NKAIN3: variants seen among roughly 807,000 people sequenced by gnomAD.
NKAIN3 encodes the protein sodium/potassium transporting ATPase interacting 3.
A neutral mutation model predicts 30.2 loss-of-function variants in NKAIN3; 25 were observed. The ratio of observed to expected loss-of-function variants is 0.83; its 90% confidence interval spans 0.60 to 1.16. NKAIN3 has a LOEUF of 1.16. Among genes scored for constraint, NKAIN3 ranks in the 50% most tolerant of loss-of-function variants. The pLI, the probability that NKAIN3 is intolerant of heterozygous loss-of-function variation, is 0.00. For missense variants in NKAIN3, 225 were observed against 254.1 expected, an observed-to-expected ratio of 0.89 and a Z score of 0.78; for synonymous variants, 91 against 89.6, an observed-to-expected ratio of 1.02 and a Z score of -0.09.
At chr8:62,566,499 C>T (rs950470558) in intron 1 of NKAIN3, among the ~76,000 whole-genome samples, 4 of 151,838 alleles carry the variant, frequency 2.6e-5, no homozygotes, top group South Asian at 2.1e-4. Context: ...TTTATAAAAC[C>T]GAATCTAAAA....
intron 4 of NKAIN3, among the ~76,000 whole-genome samples, chr8:62,812,742 T>C (rs1472641857): frequency 1.3e-5 from 2 of 151,906 alleles, no homozygotes; most frequent in Non-Finnish European, 2.9e-5. Context: ...AATATACATT[T>C]CTTAATGAAG....
At chr8:62,347,414 A>G (rs1217034302) in intron 1 of NKAIN3, among the ~76,000 whole-genome samples, 2 of 152,122 alleles carry the variant, frequency 1.3e-5, no homozygotes, top group Non-Finnish European at 2.9e-5. Flanking sequence ...TCTTAAAATA[A>G]GAAGATTTAT....
intron 6 of NKAIN3, among the ~76,000 whole-genome samples, chr8:62,963,315 A>G (rs1011795370): frequency 2.0e-5 from 3 of 152,120 alleles, no homozygotes; most frequent in Non-Finnish European, 4.4e-5. Flanking sequence ...CCCCACAGAC[A>G]TGTTTCCCAG....
chr8:62,971,645 G>C lies in NKAIN3; in HGVS notation c.*6238G>C, dbSNP rs551559415. On this transcript the variant is annotated 3_prime_UTR_variant, in exon 7 of 7. Coordinates refer to ENST00000623646, the MANE Select transcript of NKAIN3 (RefSeq NM_001304533.3). ...CAAACCTTGTCTCAAAAAAAAAGCG[G>C]GGGGGGCTTCATTTATTAGTAAGAA... is the stretch of plus-strand genomic sequence containing the variant. Among the ~76,000 whole-genome samples the C allele has an allele frequency of 6.6e-6, 1 of 151,956 alleles. No homozygotes were observed. Among genetic ancestry groups the C allele is most frequent in the African/African-American group, 2.4e-5 (1 of 41,432 alleles).
At position 62,715,711 on chromosome 8, in the gene NKAIN3, G is replaced by A. The variant is rs1814876779; in HGVS notation, c.274-31221G>A. Among the ~76,000 whole-genome samples the A allele has an allele frequency of 2.6e-5, 4 of 152,282 alleles. No individual in the cohort carries two copies. The South Asian group carries it at 8.3e-4, about 32-fold the overall frequency. ...GTGACAATGTCAAGAAGAAATTATG[G>A]CACTGCCTTAGATGTGGATTTAATT... On this transcript the variant is annotated intron_variant, in intron 3 of 6. Coordinates refer to ENST00000623646, the MANE Select transcript of NKAIN3 (RefSeq NM_001304533.3).
chr8:62,679,698 A>G (rs894932790), intron 3 of NKAIN3, among the ~76,000 whole-genome samples: 10 of 152,120 alleles, frequency 6.6e-5, no homozygotes, highest in African/African-American at 1.9e-4. Context: ...AGGAGGTGCT[A>G]CACACTTTTA....
intron 1 of NKAIN3, among the ~76,000 whole-genome samples, chr8:62,365,536 A>G (rs1377495435): frequency 6.6e-6 from 1 of 152,200 alleles, no homozygotes; most frequent in Non-Finnish European, 1.5e-5. Flanking sequence ...TTCTATATAG[A>G]GGAATGAACA....
chr8:62,500,974 T>C (rs1807431634), intron 1 of NKAIN3, among the ~76,000 whole-genome samples: 1 of 152,178 alleles, frequency 6.6e-6, no homozygotes, highest in South Asian at 2.1e-4. Flanking sequence ...ACATTTCAGT[T>C]TCTCAAAAGA....
chr8:62,865,963 T>TA (rs202209223), intron 4 of NKAIN3, among the ~76,000 whole-genome samples: 1,585 of 152,276 alleles, frequency 0.01, 24 homozygotes, highest in African/African-American at 0.036. Flanking sequence ...ATTGGATTTT[T>TA]AAAAAAGTGG....
chr8:62,610,891 T>C (rs1791291255), intron 3 of NKAIN3, among the ~76,000 whole-genome samples: 1 of 152,164 alleles, frequency 6.6e-6, no homozygotes, highest in Admixed American at 6.5e-5. Flanking sequence ...TGTTCTTATG[T>C]ACATATAGTT....
At chr8:62,718,473 T>A (rs1213791349) in intron 3 of NKAIN3, among the ~76,000 whole-genome samples, 3 of 152,222 alleles carry the variant, frequency 2.0e-5, no homozygotes, top group Non-Finnish European at 4.4e-5. Flanking sequence ...ACATTTCAAT[T>A]CACCTTGCTA....
At position 62,454,301 on chromosome 8, in the gene NKAIN3, C is replaced by CAAAAAAAAAAA. The variant is rs201511724; in HGVS notation, c.55-125226_55-125216dup. 6.0e-3 allele frequency among the ~76,000 whole-genome samples: 338 copies of CAAAAAAAAAAA among 56,120 alleles called. 20 individuals carry two copies. The highest frequency in any genetic ancestry group is 0.018 in the African/African-American group (318 of 17,780). The allele number at this position is 56,120 out of a possible 152,430, so 36.8% of individuals were successfully genotyped here. ...ACCAACACTAACAATAGCTGATGTG[C>CAAAAAAAAAAA]AAAAAAAAAAAAAAAAAAAAAATCT... On this transcript the variant is annotated intron_variant, in intron 1 of 6. Coordinates refer to ENST00000623646, the MANE Select transcript of NKAIN3 (RefSeq NM_001304533.3).
At chr8:62,920,399 T>C (rs1456617426) in intron 5 of NKAIN3, among the ~76,000 whole-genome samples, 2 of 152,234 alleles carry the variant, frequency 1.3e-5, no homozygotes, top group African/African-American at 4.8e-5. Context: ...AGTCTTATTA[T>C]GTAGTGCAAT....
At chr8:62,436,087 G>A (rs755217214) in intron 1 of NKAIN3, among the ~76,000 whole-genome samples, 3 of 152,044 alleles carry the variant, frequency 2.0e-5, no homozygotes, top group Non-Finnish European at 2.9e-5. Context: ...GCAAATTGCC[G>A]TGTCACAGTA....
chr8:62,275,831 G>A (rs76904942), intron 1 of NKAIN3, among the ~76,000 whole-genome samples: 3,514 of 152,014 alleles, frequency 0.023, 65 homozygotes, highest in Non-Finnish European at 0.038. Context: ...GAATAGTATC[G>A]ACTCTTCTAA....
chr8:62,462,103 C>T (rs1359270837), intron 1 of NKAIN3, among the ~76,000 whole-genome samples: 1 of 152,060 alleles, frequency 6.6e-6, no homozygotes, highest in Non-Finnish European at 1.5e-5. Context: ...TTCTCATGGA[C>T]AAAGAGCGTG....
intron 3 of NKAIN3, among the ~76,000 whole-genome samples, chr8:62,693,394 C>T (rs1212285090): frequency 1.3e-5 from 2 of 152,158 alleles, no homozygotes; most frequent in Admixed American, 1.3e-4. Flanking sequence ...TAACTTTTGA[C>T]CTTTTTATGC....
At chr8:62,594,139 A>G (rs77076134) in intron 3 of NKAIN3, among the ~76,000 whole-genome samples, 1 of 151,960 alleles carries the variant, frequency 6.6e-6, no homozygotes, top group African/African-American at 2.4e-5. Context: ...GGACTTCAAA[A>G]AAAAGGTCAG....
intron 1 of NKAIN3, among the ~76,000 whole-genome samples, chr8:62,541,338 A>G (rs924098694): frequency 6.6e-6 from 1 of 152,142 alleles, no homozygotes; most frequent in Non-Finnish European, 1.5e-5. Flanking sequence ...CAAATAAAAA[A>G]TAAATAAATA....
Sources: gnomAD v4.1 joint callset for allele counts (sites outside exome capture counted in the v4.1 genomes callset) on GRCh38, gnomAD v4.1.1 for gene constraint, MANE v1.5 for transcripts, NCBI Gene and HGNC (gene_info 2026-07-23, HGNC 2026-07-21) for gene names.